SIL1: variants seen among roughly 807,000 people sequenced by gnomAD.
SIL1 encodes SIL1 nucleotide exchange factor.
SIL1 carries 40 observed loss-of-function variants against 49.1 expected under a neutral mutation model. That is an observed-to-expected ratio of 0.81 (90% CI 0.63 to 1.06). The LOEUF is 1.06. Among genes scored for constraint, SIL1 ranks in the 50% least tolerant of loss-of-function variants. SIL1 has a pLI of 0.00. For synonymous variants in SIL1, 253 were observed against 250.8 expected (o/e 1.01, Z -0.08); for missense variants, 500 against 572.6 (o/e 0.87, Z 1.29).
At chr5:139,133,659 T>C (rs1255760927) in intron 1 of SIL1, among the ~76,000 whole-genome samples, 1 of 152,202 alleles carries the variant, frequency 6.6e-6, no homozygotes, top group Non-Finnish European at 1.5e-5. Context: ...CAGAAAGAAC[T>C]GGAAAAGGTT....
At chr5:139,042,560 T>C in intron 5 of SIL1, 60 bp downstream of exon 5, 2 of 1,385,056 alleles carry the variant, frequency 1.4e-6, no homozygotes, top group Non-Finnish European at 2.1e-6. Flanking sequence ...GATTCCATTC[T>C]CTGCAAAGAC....
chr5:139,150,995 T>G (rs1751285647), intron 1 of SIL1, among the ~76,000 whole-genome samples: 1 of 152,140 alleles, frequency 6.6e-6, no homozygotes, highest in Non-Finnish European at 1.5e-5. Context: ...AACCATTTGG[T>G]GAAAGCAGGT....
intron 5 of SIL1, among the ~76,000 whole-genome samples, chr5:139,037,957 G>A (rs1025566382): frequency 7.9e-5 from 12 of 152,196 alleles, no homozygotes; most frequent in Non-Finnish European, 1.3e-4. Context: ...ATGAGTCGAC[G>A]TGGTTCCTGG....
chr5:138,976,024 A>G (rs983255102), intron 7 of SIL1, among the ~76,000 whole-genome samples: 5 of 152,274 alleles, frequency 3.3e-5, no homozygotes, highest in Non-Finnish European at 7.3e-5. Flanking sequence ...CATTGTTTCC[A>G]GAAGTGTGAC....
chr5:139,140,309 T>C (rs1028270601), intron 1 of SIL1, among the ~76,000 whole-genome samples: 1 of 150,672 alleles, frequency 6.6e-6, no homozygotes, highest in African/African-American at 2.4e-5. Flanking sequence ...TTTGTAATAA[T>C]GAGCTAGGCA....
chr5:138,970,564 G>T (rs1015424623), intron 7 of SIL1, among the ~76,000 whole-genome samples: 3 of 152,104 alleles, frequency 2.0e-5, no homozygotes, highest in Non-Finnish European at 4.4e-5. Context: ...AGCACAGCTG[G>T]GTCCAGAGGC....
chr5:139,088,222 GCTGA>G (rs1018277690), intron 3 of SIL1, among the ~76,000 whole-genome samples: 10 of 152,224 alleles, frequency 6.6e-5, no homozygotes, highest in African/African-American at 2.4e-4. Flanking sequence ...GTTGCTGACT[GCTGA>G]CTAAGTGCCC....
intron 3 of SIL1, among the ~76,000 whole-genome samples, chr5:139,067,483 A>G (rs1769732031): frequency 6.6e-6 from 1 of 152,206 alleles, no homozygotes; most frequent in African/African-American, 2.4e-5. Flanking sequence ...AGTATTTCCT[A>G]GTTCATCAAG....
At chr5:139,177,285 G>A (rs1352495581) in intron 1 of SIL1, among the ~76,000 whole-genome samples, 2 of 151,264 alleles carry the variant, frequency 1.3e-5, no homozygotes, top group Non-Finnish European at 2.9e-5. Flanking sequence ...TGTCACCCAG[G>A]CTGGAGTGCA....
chr5:139,031,709 A>G (rs189392332), intron 5 of SIL1, among the ~76,000 whole-genome samples: 3 of 152,348 alleles, frequency 2.0e-5, no homozygotes, highest in East Asian at 3.9e-4. Flanking sequence ...CATTTTTACT[A>G]TGTTGAATGT....
chr5:139,130,999 TAA>T (rs1438263781), intron 1 of SIL1, among the ~76,000 whole-genome samples: 1 of 152,148 alleles, frequency 6.6e-6, no homozygotes, highest in Non-Finnish European at 1.5e-5. Context: ...CCTTAATAGG[TAA>T]AGAGTTTCTA....
intron 5 of SIL1, among the ~76,000 whole-genome samples, chr5:139,032,073 A>AT (rs971942223): frequency 4.6e-5 from 7 of 152,020 alleles, no homozygotes; most frequent in Non-Finnish European, 1.0e-4. Context: ...AGATAGTTTT[A>AT]TTTTTTCCTT....
chr5:139,069,094 C>T (rs142225407), intron 3 of SIL1, among the ~76,000 whole-genome samples: 342 of 152,136 alleles, frequency 2.2e-3, no homozygotes, highest in African/African-American at 7.9e-3. Context: ...TCAGGATCAG[C>T]CCAGGTAACA....
chr5:139,075,314 C>T (rs1769925533), intron 3 of SIL1, among the ~76,000 whole-genome samples: 1 of 152,178 alleles, frequency 6.6e-6, no homozygotes, highest in Admixed American at 6.5e-5. Flanking sequence ...TTTAAAAACT[C>T]CCATCCCCTA....
chr5:139,025,119 T>C (rs781112465), intron 6 of SIL1, among the ~76,000 whole-genome samples: 3 of 152,252 alleles, frequency 2.0e-5, no homozygotes, highest in Non-Finnish European at 4.4e-5. Context: ...GCCCTAATTT[T>C]GTTCATAGAC....
chr5:139,115,167 C>T (rs1770961313), intron 3 of SIL1, among the ~76,000 whole-genome samples: 1 of 152,178 alleles, frequency 6.6e-6, no homozygotes, highest in African/African-American at 2.4e-5. Flanking sequence ...TGCCTCCCAA[C>T]CACAGACCTG....
At chr5:139,044,670 GT>G (rs1769113470) in intron 4 of SIL1, among the ~76,000 whole-genome samples, 1 of 152,024 alleles carries the variant, frequency 6.6e-6, no homozygotes, top group Non-Finnish European at 1.5e-5. Flanking sequence ...ATTAAACTTA[GT>G]TCCAGATCGC....
chr5:139,003,760 A>G (rs1345437702), intron 7 of SIL1, among the ~76,000 whole-genome samples: 6 of 152,244 alleles, frequency 3.9e-5, no homozygotes, highest in African/African-American at 1.2e-4. Flanking sequence ...CAGAACAGTA[A>G]GAGAAGCCCA....
intron 1 of SIL1, among the ~76,000 whole-genome samples, chr5:139,175,061 C>T (rs776931203): frequency 5.9e-5 from 9 of 151,748 alleles, no homozygotes; most frequent in Non-Finnish European, 1.2e-4. Flanking sequence ...GTGGCTCACA[C>T]CTGTAATCCC....
Sources: gnomAD v4.1 joint callset for allele counts (sites outside exome capture counted in the v4.1 genomes callset) on GRCh38, gnomAD v4.1.1 for gene constraint, MANE v1.5 for transcripts, NCBI Gene and HGNC (gene_info 2026-07-23, HGNC 2026-07-21) for gene names.